CD55: variants seen among roughly 807,000 people sequenced by gnomAD.
The protein encoded by CD55 is CD55 molecule (Cromer blood group), also known as complement decay-accelerating factor.
A neutral mutation model predicts 45.8 loss-of-function variants in CD55; 41 were observed. The ratio of observed to expected loss-of-function variants is 0.90; its 90% CI spans 0.70 to 1.16. The LOEUF is 1.16. Among genes scored for constraint, CD55 ranks in the 50% most tolerant of loss-of-function variants. CD55 has a pLI of 0.00. For synonymous variants in CD55, 181 were observed against 181.1 expected, an observed-to-expected ratio of 1.00 and a Z score of 0.01; for missense variants, 416 against 469.8, an observed-to-expected ratio of 0.89 and a Z score of 1.06.
At chr1:207,352,864 C>G (rs1249719550) in intron 9 of CD55, among the ~76,000 whole-genome samples, 2 of 151,896 alleles carry the variant, frequency 1.3e-5, no homozygotes, top group Non-Finnish European at 2.9e-5. Flanking sequence ...GTGGCAAGTA[C>G]TGTACTGATT....
chr1:207,358,131 T>G lies in CD55; in HGVS notation c.1082-1415T>G, dbSNP rs115311060. Among the ~76,000 whole-genome samples, 443 of 152,288 alleles carry G rather than the reference T, an allele frequency of 2.9e-3. 2 individuals carry two copies. Among genetic ancestry groups the G allele is most frequent in the Non-Finnish European group, 5.5e-3 (371 of 68,018 alleles). On this transcript the variant is annotated intron_variant, in intron 9 of 9. Coordinates refer to ENST00000367064, the MANE Select transcript of CD55 (RefSeq NM_000574.5). ...ATTTTCTGAATTAGAGGGAAAGTCA[T>G]GCAAACTCCTAAGAAAGAATTTGTC...
intron 9 of CD55, 77 bp downstream of exon 9, chr1:207,339,494 A>G: frequency 1.8e-6 from 2 of 1,115,668 alleles, no homozygotes; most frequent in South Asian, 1.5e-5. Context: ...GGGAGATAAT[A>G]TTGTCTTCTT....
In CD55 at chr1:207,321,823, C is replaced by T. The variant is rs1052030123; in HGVS notation, c.58C>T (p.Arg20Trp). The T allele has an allele frequency of 2.6e-6, 4 of 1,529,564 alleles. No individual in the cohort carries two copies. Among genetic ancestry groups the T allele is most frequent in the African/African-American group, 1.4e-5 (1 of 72,164 alleles). 94.7% of individuals were successfully genotyped at this position (1,529,564 alleles called of 1,614,324 possible). ...GCTGCCCCTCCTCGGGGAGCTGCCC[C>T]GGCTGCTGCTGCTGGTGCTGTTGTG... Reference protein sequence around the residue: ...AALPLLGELPRLLLLVLLCLP... With the variant: ...AALPLLGELPWLLLLVLLCLP... Residue 20 changes from arginine (R) to tryptophan (W), a missense_variant, in exon 1 of 10, where the codon CGG (arginine) becomes TGG (tryptophan). Around this residue, in one of 3 missense-constraint regions of CD55, gnomAD observed 123 missense variants for 105.1 expected, o/e 1.17. Transcript: ENST00000367064.
chr1:207,342,077 G>A (rs933752156), intron 9 of CD55, among the ~76,000 whole-genome samples: 2 of 151,764 alleles, frequency 1.3e-5, no homozygotes, highest in Non-Finnish European at 2.9e-5. Context: ...ATTGATTTTT[G>A]TATGTTGATC....
At position 207,321,824 on chromosome 1, in the gene CD55, G is replaced by GGCT. The variant is rs777769984; in HGVS notation, c.70_72dup (p.Leu24dup). 1.0e-5 allele frequency: 16 copies of GGCT among 1,529,598 alleles called. No individual in the cohort carries two copies. Among genetic ancestry groups the GGCT allele is most frequent in the African/African-American group, 5.5e-5 (4 of 72,168 alleles). The allele number at this position is 1,529,598 out of a possible 1,614,324, so 94.8% of individuals were successfully genotyped here. On this transcript the variant is annotated inframe_insertion, in exon 1 of 10. Coordinates refer to ENST00000367064, the MANE Select transcript of CD55 (RefSeq NM_000574.5). ...CTGCCCCTCCTCGGGGAGCTGCCCC[G>GGCT]GCTGCTGCTGCTGGTGCTGTTGTGC...
intron 9 of CD55, among the ~76,000 whole-genome samples, chr1:207,354,647 T>C (rs1656010240): frequency 6.6e-6 from 1 of 152,232 alleles, no homozygotes; most frequent in Admixed American, 6.5e-5. Flanking sequence ...AATCTTAATG[T>C]TGATTCACCT....
rs555086419 is a variant in CD55, at chr1:207,339,563, A to C, written c.1081+146A>C. The C allele has an allele frequency of 4.7e-6, 3 of 641,606 alleles. No individual in the cohort carries two copies. In the South Asian group the frequency reaches 6.7e-5, roughly 14 times the overall value. The allele number at this position is 641,606 out of a possible 1,614,324, so 39.7% of individuals were successfully genotyped here. A position where few individuals can be genotyped will look rare whatever the true frequency, so the allele number is the denominator to read the frequency against. Reference sequence around the variant, plus strand: ...TAAACTTTTTAGTATGGAAAACTTTAAACGTCACTCAAATAGGGAAAATAG... The same window carrying C: ...TAAACTTTTTAGTATGGAAAACTTTCAACGTCACTCAAATAGGGAAAATAG... On this transcript the variant is annotated intron_variant, in intron 9 of 9. Transcript: ENST00000367064.
In CD55 at chr1:207,322,376, C is replaced by T. The variant is rs781576624; in HGVS notation, c.101-6C>T. Reference sequence around the variant, plus strand: ...ATTTCCTTCAGTTCTGCTTTTGTCTCCCTAGGTGACTGTGGCCTTCCCCCA... The same window carrying T: ...ATTTCCTTCAGTTCTGCTTTTGTCTTCCTAGGTGACTGTGGCCTTCCCCCA... On this transcript the variant is annotated splice_region_variant and splice_polypyrimidine_tract_variant and intron_variant, in intron 1 of 9. Transcript: ENST00000367064. 2.5e-6 allele frequency: 4 copies of T among 1,613,426 alleles called. No individual in the cohort carries two copies. The highest frequency in any genetic ancestry group is 3.4e-6 in the Non-Finnish European group (4 of 1,179,366).
rs775681350 is a variant in CD55 at position 207,324,690 on chromosome 1, T to C, written c.418T>C (p.Ser140Pro). Reference sequence around the variant, plus strand: ...AGGTTACAGAAGAGAACCTTCTCTATCACCAAAACTAACTTGCCTTCAGAA... The same window carrying C: ...AGGTTACAGAAGAGAACCTTCTCTACCACCAAAACTAACTTGCCTTCAGAA... ...RPGYRREPSLSPKLTCLQNLK... is the reference protein window; with the variant it reads ...RPGYRREPSLPPKLTCLQNLK... Residue 140 changes from serine to proline, a missense_variant, in exon 3 of 10, where the codon TCA (serine) becomes CCA (proline). Around this residue, in one of 3 missense-constraint regions of CD55, gnomAD observed 111 missense variants for 163.4 expected, o/e 0.68. Coordinates refer to ENST00000367064, the MANE Select transcript of CD55 (RefSeq NM_000574.5). 1 of 1,613,410 alleles carries C rather than the reference T, an allele frequency of 6.2e-7. No individual in the cohort carries two copies. Among genetic ancestry groups the C allele is most frequent in the Non-Finnish European group, 8.5e-7 (1 of 1,179,714 alleles).
At chr1:207,340,717 A>G (rs949955262) in intron 9 of CD55, 11 of 508,412 alleles carry the variant, frequency 2.2e-5, no homozygotes, top group African/African-American at 1.8e-4. Context: ...AGATGATTCC[A>G]TATCTTTGCT....
intron 9 of CD55, among the ~76,000 whole-genome samples, chr1:207,355,733 C>T (rs1054524606): frequency 6.6e-6 from 1 of 152,156 alleles, no homozygotes; most frequent in Non-Finnish European, 1.5e-5. Context: ...CAACTTCCTT[C>T]TGAGACTCAA....
In CD55 at chr1:207,326,766, G is replaced by T; in HGVS notation, c.593G>T (p.Gly198Val). 6.2e-7 allele frequency: 1 copy of T among 1,613,220 alleles called. No individual in the cohort carries two copies. The highest frequency in any genetic ancestry group is 8.5e-7 in the Non-Finnish European group (1 of 1,179,432). ...TGTTGCTTTAGGTACAAATTATTTGGCTCGACTTCTAGTTTTTGTCTTATT... is the reference window on the plus strand; with the variant it reads ...TGTTGCTTTAGGTACAAATTATTTGTCTCGACTTCTAGTTTTTGTCTTATT... Reference protein sequence around the residue: ...FSCNTGYKLFGSTSSFCLISG... With the variant: ...FSCNTGYKLFVSTSSFCLISG... Residue 198 changes from glycine (G) to valine (V), a missense_variant, in exon 5 of 10, where the codon GGC becomes GTC. Transcript: ENST00000367064.
Position 207,322,406 on chromosome 1 carries a change from T to G in CD55, c.125T>G (p.Val42Gly), listed in dbSNP as rs749013692. 2 of 1,614,150 alleles carry G rather than the reference T, an allele frequency of 1.2e-6. No individual in the cohort carries two copies. The highest frequency in any genetic ancestry group is 1.7e-6 in the Non-Finnish European group (2 of 1,179,982). ...GGTGACTGTGGCCTTCCCCCAGATGTACCTAATGCCCAGCCAGCTTTGGAA... is the reference window on the plus strand; with the variant it reads ...GGTGACTGTGGCCTTCCCCCAGATGGACCTAATGCCCAGCCAGCTTTGGAA... The part of the protein sequence containing the change: ...VWGDCGLPPD[V>G]PNAQPALEGR... The change falls in exon 2 of 10, where the codon GTA (valine) becomes GGA (glycine). Residue 42 changes from valine (V) to glycine (G), a missense_variant. Coordinates refer to ENST00000367064, the MANE Select transcript of CD55 (RefSeq NM_000574.5).
chr1:207,357,267 A>G (rs1295513932), intron 9 of CD55, among the ~76,000 whole-genome samples: 2 of 152,120 alleles, frequency 1.3e-5, no homozygotes, highest in Non-Finnish European at 2.9e-5. Context: ...ATATAGTAAG[A>G]CATAACTTTT....
At chr1:207,355,633 A>G (rs750376704) in intron 9 of CD55, among the ~76,000 whole-genome samples, 1 of 152,188 alleles carries the variant, frequency 6.6e-6, no homozygotes, top group Non-Finnish European at 1.5e-5. Flanking sequence ...GTACAGGCAT[A>G]TTTCCTGTGA....
intron 9 of CD55, among the ~76,000 whole-genome samples, chr1:207,357,424 T>A (rs912313589): frequency 6.6e-6 from 1 of 152,176 alleles, no homozygotes; most frequent in Non-Finnish European, 1.5e-5. Context: ...TCTTACGTAC[T>A]TTCTTGTACT....
intron 2 of CD55, among the ~76,000 whole-genome samples, chr1:207,323,612 C>A (rs1654530842): frequency 6.6e-6 from 1 of 152,020 alleles, no homozygotes; most frequent in Non-Finnish European, 1.5e-5. Flanking sequence ...ATAAAGAGAC[C>A]CGATAACCTG....
At chr1:207,333,485 A>T (rs1655039637) in intron 6 of CD55, among the ~76,000 whole-genome samples, 1 of 152,272 alleles carries the variant, frequency 6.6e-6, no homozygotes, top group African/African-American at 2.4e-5. Flanking sequence ...TCAGAAAGGC[A>T]TATCATATCA....
chr1:207,322,467 G>A lies in CD55; in HGVS notation c.186G>A (p.Thr62=). Residue 62 remains threonine, a synonymous_variant, in exon 2 of 10, where the codon ACG becomes ACA. Coordinates refer to ENST00000367064, the MANE Select transcript of CD55 (RefSeq NM_000574.5). Reference sequence around the variant, plus strand: ...GTTTTCCCGAGGATACTGTAATAACGTACAAATGTGAAGAAAGCTTTGTGA... The same window carrying A: ...GTTTTCCCGAGGATACTGTAATAACATACAAATGTGAAGAAAGCTTTGTGA... The part of the protein sequence containing the change: ...RTSFPEDTVI[T]YKCEESFVKI... The A allele has an allele frequency of 6.2e-7, 1 of 1,614,156 alleles. No homozygotes were observed. The highest frequency in any genetic ancestry group is 1.1e-5 in the South Asian group (1 of 91,090).
Sources: gnomAD v4.1 joint callset for allele counts (sites outside exome capture counted in the v4.1 genomes callset) on GRCh38, gnomAD v4.1.1 for gene constraint, gnomAD v4.1.1 regional missense constraint, MANE v1.5 for transcripts, NCBI Gene and HGNC (gene_info 2026-07-23, HGNC 2026-07-21) for gene names.